Variants in STARD7 observed in about 807,000 individuals in gnomAD.
STARD7 encodes stAR-related lipid transfer protein 7, mitochondrial.
A neutral mutation model predicts 45.3 loss-of-function variants in STARD7; 30 were observed. The ratio of observed to expected loss-of-function variants is 0.66; its 90% CI spans 0.50 to 0.90. The LOEUF is 0.90. Among genes scored for constraint, STARD7 ranks in the 40% least tolerant of loss-of-function variants. STARD7 has a pLI of 0.00. For synonymous variants in STARD7, 199 were observed against 183.0 expected (o/e 1.09, Z -0.70); for missense variants, 495 against 491.3 (o/e 1.01, Z -0.07).
chr2:96,208,152 ACTC>A lies in STARD7; in HGVS notation c.280_282del (p.Glu94del). The A allele has an allele frequency of 6.3e-7, 1 of 1,575,160 alleles. No homozygotes were observed. The highest frequency in any genetic ancestry group is 8.6e-7 in the Non-Finnish European group (1 of 1,161,312). On this transcript the variant is annotated inframe_deletion, in exon 1 of 8. Transcript: ENST00000337288. ...GCTCGCCGCAGCGCCCACCTCTGCA[ACTC>A]CTCCTCCTGGATCCTCTCCTCGTCC... is the stretch of plus-strand genomic sequence containing the variant.
chr2:96,190,636 CTTTTTTA>C (rs1013879445), intron 6 of STARD7, among the ~76,000 whole-genome samples: 84 of 151,916 alleles, frequency 5.5e-4, no homozygotes, highest in South Asian at 1.5e-3. Context: ...CTGCGCCTGG[CTTTTTTA>C]TTTTTTATTT....
chr2:96,204,959 T>C (rs1286710314), intron 1 of STARD7, among the ~76,000 whole-genome samples: 2 of 152,214 alleles, frequency 1.3e-5, no homozygotes, highest in African/African-American at 4.8e-5. Flanking sequence ...ATGAGGAGGT[T>C]AATGGAACAT....
chr2:96,191,411 A>G (rs545259535), intron 6 of STARD7, among the ~76,000 whole-genome samples: 1 of 152,314 alleles, frequency 6.6e-6, no homozygotes, highest in East Asian at 1.9e-4. Context: ...TCCATGATAA[A>G]AACCCCCTAC....
rs1405903106 is a variant in STARD7, at chr2:96,186,601, G to A, written c.*129C>T. ...TGAATGAAATGGGACATCAGTTATTGAATTATCTTGCACTGGAAGTTACAG... is the reference window on the plus strand; with the variant it reads ...TGAATGAAATGGGACATCAGTTATTAAATTATCTTGCACTGGAAGTTACAG... On this transcript the variant is annotated 3_prime_UTR_variant, in exon 8 of 8. Transcript: ENST00000337288. The A allele has an allele frequency of 1.7e-6, 1 of 594,272 alleles. No individual in the cohort carries two copies. The highest frequency in any genetic ancestry group is 1.9e-5 in the African/African-American group (1 of 52,150). The allele number at this position is 594,272 out of a possible 1,614,324, so 36.8% of individuals were successfully genotyped here. A position where few individuals can be genotyped will look rare whatever the true frequency, so the allele number is the denominator to read the frequency against.
intron 3 of STARD7, among the ~76,000 whole-genome samples, chr2:96,194,358 G>C (rs1157896679): frequency 6.6e-6 from 1 of 151,450 alleles, no homozygotes; most frequent in African/African-American, 2.4e-5. Context: ...GTCTCAGGGA[G>C]AGGAAAGAAA....
chr2:96,206,769 C>T lies in STARD7; in HGVS notation c.290+1376G>A, dbSNP rs1376501858. Reference sequence around the variant, plus strand: ...TGAGCCTAGATCGCGCCACTGCACTCCAGCCTGGGCGACAGAGCGAGACTC... The same window carrying T: ...TGAGCCTAGATCGCGCCACTGCACTTCAGCCTGGGCGACAGAGCGAGACTC... On this transcript the variant is annotated intron_variant, in intron 1 of 7. Transcript: ENST00000337288. 2.1e-5 allele frequency among the ~76,000 whole-genome samples: 3 copies of T among 141,310 alleles called. No individual in the cohort carries two copies. The East Asian group carries it at 6.3e-4, about 30-fold the overall frequency. The allele number at this position is 141,310 out of a possible 152,430, so 92.7% of individuals were successfully genotyped here. A position where few individuals can be genotyped will look rare whatever the true frequency, so the allele number is the denominator to read the frequency against.
Position 96,195,341 on chromosome 2 carries a change from C to A in STARD7, c.499G>T (p.Val167Phe), listed in dbSNP as rs764339918. 6.4e-7 allele frequency: 1 copy of A among 1,564,454 alleles called. No individual in the cohort carries two copies. Among genetic ancestry groups the A allele is most frequent in the Non-Finnish European group, 8.7e-7 (1 of 1,154,454 alleles). ...ITGTHLYQYR[V>F]FGTYTDVTPR... ...CAAAAGATAGCCACACTGGGCTCAC[C>A]TCGGTACTGGTAAAGGTGGGTGCCT... The change falls in exon 2 of 8, where the codon GTT becomes TTT. Residue 167 changes from valine to phenylalanine, a missense_variant and splice_region_variant. Around this residue, in one of 2 missense-constraint regions of STARD7, gnomAD observed 213 missense variants for 271.2 expected, o/e 0.79. Transcript: ENST00000337288.
At chr2:96,195,255 C>T in intron 2 of STARD7, 86 bp downstream of exon 2, 2 of 1,239,246 alleles carry the variant, frequency 1.6e-6, no homozygotes, top group Non-Finnish European at 2.3e-6. Context: ...GAGAAACAAC[C>T]AGAACAGTTT....
chr2:96,194,518 T>A (rs946342335), intron 3 of STARD7, among the ~76,000 whole-genome samples: 1 of 152,240 alleles, frequency 6.6e-6, no homozygotes, highest in African/African-American at 2.4e-5. Context: ...GAGGACTACA[T>A]GAAAGTGTTC....
intron 6 of STARD7, 57 bp downstream of exon 6, chr2:96,192,312 C>T (rs1683137534): frequency 5.3e-6 from 7 of 1,317,882 alleles, no homozygotes; most frequent in African/African-American, 1.4e-5. Context: ...GGTAAGACAT[C>T]CCTTGAGAAA....
At chr2:96,197,095 A>AAACTAAACAAAACAAC (rs1558735851) in intron 1 of STARD7, among the ~76,000 whole-genome samples, 1 of 139,186 alleles carries the variant, frequency 7.2e-6, no homozygotes. Context: ...ATAAAATAAA[A>AAACTAAACAAAACAAC]TAAAATAAAA....
chr2:96,189,550 C>T (rs1357216071), intron 6 of STARD7, among the ~76,000 whole-genome samples: 1 of 151,936 alleles, frequency 6.6e-6, no homozygotes, highest in Non-Finnish European at 1.5e-5. Flanking sequence ...AATAAAAATA[C>T]AAAAATTAGC....
rs1683457447 is a variant in STARD7 at position 96,208,803 on chromosome 2, C to T, written c.-369G>A. The T allele has an allele frequency of 7.5e-6, 3 of 402,462 alleles. No homozygotes were observed. The highest frequency in any genetic ancestry group is 3.6e-5 in the East Asian group (1 of 28,070). The allele number at this position is 402,462 out of a possible 1,614,324, so 24.9% of individuals were successfully genotyped here. On this transcript the variant is annotated 5_prime_UTR_variant, in exon 1 of 8. Transcript: ENST00000337288. ...CAGCTCAGGCCCAGCAGCACGCAAG[C>T]TCCCGCGCCTTCCGCGACTGCCACA...
rs1416759527 is a variant in STARD7, at chr2:96,208,351, G to A, written c.84C>T (p.Arg28=). The A allele has an allele frequency of 1.3e-6, 2 of 1,590,604 alleles. No individual in the cohort carries two copies. The highest frequency in any genetic ancestry group is 1.1e-5 in the South Asian group (1 of 88,846). The stretch of plus-strand genomic sequence containing the variant: ...GCCGCACGCGCAGGCCCGTGACGAA[G>A]CGGCACTGATTGGCCAGAAGCGCCA... The part of the protein sequence containing the change: ...GLLALLANQC[R]FVTGLRVRRA... The change falls in exon 1 of 8, where the codon CGC becomes CGT. Residue 28 remains arginine (R), a synonymous_variant. Transcript: ENST00000337288.
At chr2:96,198,355 G>A (rs936731127) in intron 1 of STARD7, among the ~76,000 whole-genome samples, 2 of 151,816 alleles carry the variant, frequency 1.3e-5, no homozygotes, top group African/African-American at 4.8e-5. Context: ...ATGGACATTT[G>A]TGTACAAATC....
intron 1 of STARD7, among the ~76,000 whole-genome samples, chr2:96,201,409 T>TAAAAAAAAAAAAAA (rs60808208): frequency 3.7e-4 from 40 of 109,570 alleles, no homozygotes; most frequent in African/African-American, 1.2e-3. Flanking sequence ...ACTCCACCTC[T>TAAAAAAAAAAAAAA]AAAAAAAAAA....
intron 1 of STARD7, among the ~76,000 whole-genome samples, chr2:96,206,539 G>A (rs1030813266): frequency 2.0e-5 from 3 of 151,836 alleles, no homozygotes; most frequent in East Asian, 3.9e-4. Flanking sequence ...GGTGGCTCAC[G>A]CCTGTAATCC....
intron 1 of STARD7, 37 bp from the exon 2 acceptor site, chr2:96,195,586 G>C: frequency 6.5e-7 from 1 of 1,543,742 alleles, no homozygotes; most frequent in South Asian, 1.1e-5. Flanking sequence ...GAGGTGGTTA[G>C]TCAGCCCTGT....
At chr2:96,200,875 G>C (rs1287414792) in intron 1 of STARD7, among the ~76,000 whole-genome samples, 2 of 152,172 alleles carry the variant, frequency 1.3e-5, no homozygotes, top group East Asian at 3.9e-4. Flanking sequence ...TTACAGATAA[G>C]AAACAAAAAT....
Sources: allele counts gnomAD v4.1 joint callset (sites outside exome capture counted in the v4.1 genomes callset), GRCh38; gene constraint gnomAD v4.1.1; regional missense constraint gnomAD v4.1.1; transcripts MANE v1.5; gene names NCBI Gene and HGNC (gene_info 2026-07-23, HGNC 2026-07-21).